The following SLC25A24 variants were observed in gnomAD, a reference collection of about 807,000 sequenced individuals.
SLC25A24 encodes the protein solute carrier family 25 member 24, also known as mitochondrial adenyl nucleotide antiporter SLC25A24.
In SLC25A24, 49 loss-of-function variants were observed where a neutral mutation model predicts 60.7. The ratio of observed to expected loss-of-function variants is 0.81; its 90% CI spans 0.64 to 1.02. The LOEUF is 1.02. Ranked by LOEUF, SLC25A24 falls within the 50% of genes least tolerant of loss-of-function variation. The pLI, the probability that SLC25A24 is intolerant of heterozygous loss-of-function variation, is 0.00. For synonymous variants in SLC25A24, 202 were observed against 200.6 expected (o/e 1.01, Z -0.06); for missense variants, 564 against 586.3 (o/e 0.96, Z 0.39).
chr1:108,170,390 A>C (rs1031292699), intron 3 of SLC25A24, among the ~76,000 whole-genome samples: 2 of 152,180 alleles, frequency 1.3e-5, no homozygotes, highest in African/African-American at 2.4e-5. Context: ...CTATGAAATC[A>C]ATTTTTATAC....
chr1:108,182,913 T>G (rs1647980637), intron 2 of SLC25A24, among the ~76,000 whole-genome samples: 2 of 151,826 alleles, frequency 1.3e-5, no homozygotes, highest in African/African-American at 4.8e-5. Flanking sequence ...ACAGAAAATT[T>G]TTAATACTAG....
At chr1:108,187,745 G>A (rs1445001229) in intron 1 of SLC25A24, among the ~76,000 whole-genome samples, 1 of 151,420 alleles carries the variant, frequency 6.6e-6, no homozygotes, top group African/African-American at 2.4e-5. Flanking sequence ...GAACAGAAAG[G>A]GTGGGAACAT....
In SLC25A24 at chr1:108,135,115, T is replaced by C. The variant is rs545567021; in HGVS notation, c.*1538A>G. ...AAAGAGCTGATCATGTACCTTAATATTGTCACTTTATATATTACTCAAAAG... is the reference window on the plus strand; with the variant it reads ...AAAGAGCTGATCATGTACCTTAATACTGTCACTTTATATATTACTCAAAAG... On this transcript the variant is annotated 3_prime_UTR_variant, in exon 10 of 10. Coordinates refer to ENST00000565488, the MANE Select transcript of SLC25A24 (RefSeq NM_013386.5). 3 of 152,658 alleles carry C rather than the reference T, an allele frequency of 2.0e-5. No homozygotes were observed. Among genetic ancestry groups the C allele is most frequent in the South Asian group, 2.1e-4 (1 of 4,832 alleles). 9.5% of individuals were successfully genotyped at this position (152,658 alleles called of 1,614,324 possible). A position where few individuals can be genotyped will look rare whatever the true frequency, so the allele number is the denominator to read the frequency against.
rs878969777 is a variant in SLC25A24 at position 108,143,423 on chromosome 1, T to A, written c.1098+120A>T. 8.8e-5 allele frequency: 71 copies of A among 803,250 alleles called. No individual in the cohort carries two copies. In the South Asian group the frequency reaches 1.4e-3, roughly 16 times the overall value. The allele number at this position is 803,250 out of a possible 1,614,324, so 49.8% of individuals were successfully genotyped here. A position where few individuals can be genotyped will look rare whatever the true frequency, so the allele number is the denominator to read the frequency against. Reference sequence around the variant, plus strand: ...GTTACTTGAAAGTTCAAATAACACATGCTTGAATTTACTTCTGGTCACACA... The same window carrying A: ...GTTACTTGAAAGTTCAAATAACACAAGCTTGAATTTACTTCTGGTCACACA... On this transcript the variant is annotated intron_variant, in intron 8 of 9. Coordinates refer to ENST00000565488, the MANE Select transcript of SLC25A24 (RefSeq NM_013386.5).
At chr1:108,164,843 T>C (rs1389286306) in intron 3 of SLC25A24, among the ~76,000 whole-genome samples, 6 of 92,776 alleles carry the variant, frequency 6.5e-5, no homozygotes, top group Non-Finnish European at 1.3e-4. Flanking sequence ...AGCTTTTGAA[T>C]GTGTTTGCTC....
chr1:108,139,316 G>C (rs1679379862), intron 8 of SLC25A24, 108 bp from the exon 9 acceptor site: 1 of 1,181,156 alleles, frequency 8.5e-7, no homozygotes, highest in Non-Finnish European at 1.2e-6. Flanking sequence ...TGCAGGATGA[G>C]GCCACGCATT....
chr1:108,158,618 T>A (rs1171446944), intron 4 of SLC25A24, among the ~76,000 whole-genome samples: 1 of 152,018 alleles, frequency 6.6e-6, no homozygotes, highest in East Asian at 1.9e-4. Context: ...TTAGGCATTG[T>A]TACTAGTGGC....
intron 2 of SLC25A24, among the ~76,000 whole-genome samples, chr1:108,183,988 T>A (rs1439314065): frequency 6.6e-6 from 1 of 151,896 alleles, no homozygotes; most frequent in African/African-American, 2.4e-5. Flanking sequence ...AAATACAGAA[T>A]CCCCAAATAA....
chr1:108,140,819 C>A (rs77883518), intron 8 of SLC25A24, among the ~76,000 whole-genome samples: 80 of 129,108 alleles, frequency 6.2e-4, no homozygotes, highest in African/African-American at 1.0e-3. Flanking sequence ...CATATCACTA[C>A]AAAAAAAAAA....
chr1:108,185,850 C>T lies in SLC25A24; in HGVS notation c.288G>A (p.Lys96=). The change falls in exon 2 of 10, where the codon AAG becomes AAA. Residue 96 remains lysine, a synonymous_variant. Transcript: ENST00000565488. ...DHEKKMKLAF[K]SLDKNNDGKI... ...CACCATCATTATTTTTGTCTAAACT[C>T]TTAAATGCCAATTTCATTTTCTTCT... is the stretch of plus-strand genomic sequence containing the variant. 1 of 1,590,238 alleles carries T rather than the reference C, an allele frequency of 6.3e-7. No homozygotes were observed. Among genetic ancestry groups the T allele is most frequent in the East Asian group, 2.3e-5 (1 of 44,444 alleles).
intron 1 of SLC25A24, among the ~76,000 whole-genome samples, chr1:108,187,933 T>TATATATATATATATATAG (rs1553256778): frequency 1.4e-5 from 2 of 140,972 alleles, no homozygotes; most frequent in Admixed American, 7.0e-5. Flanking sequence ...TATAGATATA[T>TATATATATATATATATAG]ATATATATAT....
intron 9 of SLC25A24, among the ~76,000 whole-genome samples, chr1:108,138,571 C>G (rs1282379110): frequency 6.6e-6 from 1 of 152,070 alleles, no homozygotes; most frequent in African/African-American, 2.4e-5. Flanking sequence ...GGAATCACAG[C>G]TCAAAACTTG....
chr1:108,179,236 A>G (rs561058852), intron 3 of SLC25A24, among the ~76,000 whole-genome samples: 1 of 152,242 alleles, frequency 6.6e-6, no homozygotes, highest in South Asian at 2.1e-4. Context: ...GAGACAAAAG[A>G]TAACAAGTGT....
intron 3 of SLC25A24, among the ~76,000 whole-genome samples, chr1:108,165,282 G>A (rs1014052862): frequency 6.6e-6 from 1 of 152,192 alleles, no homozygotes; most frequent in South Asian, 2.1e-4. Context: ...GATTTGGGGT[G>A]CAGAGTTCTG....
At chr1:108,148,482 G>A in intron 6 of SLC25A24, 96 bp from the exon 7 acceptor site, 1 of 743,294 alleles carries the variant, frequency 1.3e-6, no homozygotes, top group Non-Finnish European at 2.4e-6. Context: ...CCTCCCATGT[G>A]ATGGTATTAG....
At chr1:108,168,534 T>C (rs975812965) in intron 3 of SLC25A24, among the ~76,000 whole-genome samples, 8 of 152,208 alleles carry the variant, frequency 5.3e-5, no homozygotes, top group African/African-American at 1.4e-4. Context: ...ATTTAGGGTA[T>C]TGACAAACTT....
At chr1:108,156,178 C>T (rs966798972) in intron 5 of SLC25A24, among the ~76,000 whole-genome samples, 8 of 152,200 alleles carry the variant, frequency 5.3e-5, no homozygotes, top group African/African-American at 1.9e-4. Flanking sequence ...AGAAGCTCTG[C>T]CCTATGTGCT....
At chr1:108,194,718 A>T (rs1648440308) in intron 1 of SLC25A24, among the ~76,000 whole-genome samples, 1 of 152,202 alleles carries the variant, frequency 6.6e-6, no homozygotes, top group Non-Finnish European at 1.5e-5. Flanking sequence ...TTGAGAATAC[A>T]ATGAAGAACG....
Position 108,192,871 on chromosome 1 carries a change from G to A in SLC25A24, c.184-6917C>T, listed in dbSNP as rs1648390252. On this transcript the variant is annotated intron_variant, in intron 1 of 9. Coordinates refer to ENST00000565488, the MANE Select transcript of SLC25A24 (RefSeq NM_013386.5). ...CGGGACCTGCGTGGGACCGCACTCT[G>A]GGCTGCGCTGGGAGACCGCGGAGTT... 2.4e-6 allele frequency: 2 copies of A among 830,598 alleles called. 1 individual carries two copies. Among genetic ancestry groups the A allele is most frequent in the Admixed American group, 9.5e-5 (2 of 21,062 alleles). The allele number at this position is 830,598 out of a possible 1,614,324, so 51.5% of individuals were successfully genotyped here. A position where few individuals can be genotyped will look rare whatever the true frequency, so the allele number is the denominator to read the frequency against.
Sources: gnomAD v4.1 joint callset for allele counts (sites outside exome capture counted in the v4.1 genomes callset) on GRCh38, gnomAD v4.1.1 for gene constraint, MANE v1.5 for transcripts, NCBI Gene and HGNC (gene_info 2026-07-23, HGNC 2026-07-21) for gene names.